Variants in ITGAV observed in about 807,000 individuals in gnomAD.
The protein encoded by ITGAV is integrin subunit alpha V.
A neutral mutation model predicts 143.8 loss-of-function variants in ITGAV; 76 were observed. The observed-to-expected ratio is 0.53, with a 90% CI of 0.44 to 0.64. The LOEUF (loss-of-function observed/expected upper bound fraction) is 0.64, where lower values mean the gene tolerates loss of function less well. Ranked by LOEUF, ITGAV falls within the 30% of genes least tolerant of loss-of-function variation. The pLI is 0.00. For synonymous variants in ITGAV, 453 were observed against 446.7 expected, an observed-to-expected ratio of 1.01 and a Z score of -0.18; for missense variants, 1,193 against 1,274.7, an observed-to-expected ratio of 0.94 and a Z score of 0.98.
chr2:186,664,472 G>A (rs780682458), intron 19 of ITGAV, 22 bp from the exon 20 acceptor site: 46 of 1,609,220 alleles, frequency 2.9e-5, no homozygotes, highest in African/African-American at 5.4e-5. Flanking sequence ...TCTCAGTCTG[G>A]ATTTGTATTG....
chr2:186,675,470 G>T, intron 26 of ITGAV, 134 bp from the exon 27 acceptor site: 2 of 648,314 alleles, frequency 3.1e-6, no homozygotes, highest in Middle Eastern at 2.6e-4. Flanking sequence ...CTATTAGCCT[G>T]TTTATTTTCA....
At position 186,627,859 on chromosome 2, in the gene ITGAV, A is replaced by T. The variant is rs184805921; in HGVS notation, c.523+2272A>T. On this transcript the variant is annotated intron_variant, in intron 4 of 29. Coordinates refer to ENST00000261023, the MANE Select transcript of ITGAV (RefSeq NM_002210.5). ...TAAAGAACAGTCTCAAAAAACAGAA[A>T]AGCAAAGTGCATGCCTTTGTTTCTA... Among the ~76,000 whole-genome samples, 3 of 152,258 alleles carry T rather than the reference A, an allele frequency of 2.0e-5. No individual in the cohort carries two copies. The East Asian group carries it at 5.8e-4, about 29-fold the overall frequency.
Position 186,678,721 on chromosome 2 carries a change from T to C in ITGAV, c.*1429T>C, listed in dbSNP as rs1348687809. 4.4e-6 allele frequency: 2 copies of C among 455,764 alleles called. No individual in the cohort carries two copies. Among genetic ancestry groups the C allele is most frequent in the African/African-American group, 4.0e-5 (2 of 50,054 alleles). 28.2% of individuals were successfully genotyped at this position (455,764 alleles called of 1,614,324 possible). On this transcript the variant is annotated 3_prime_UTR_variant, in exon 30 of 30. Transcript: ENST00000261023. ...CTCAAGGCCTGGGGATGATGATCAG[T>C]TATACCTATTTTTGTGCAATTACAT... is the stretch of plus-strand genomic sequence containing the variant.
In ITGAV at chr2:186,676,891, G is replaced by A; in HGVS notation, c.3007G>A (p.Ala1003Thr). The change falls in exon 29 of 30, where the codon GCA becomes ACA. Residue 1003 changes from alanine to threonine, a missense_variant. Transcript: ENST00000261023. Reference protein sequence around the residue: ...PVWVIILAVLAGLLLLAVLVF... With the variant: ...PVWVIILAVLTGLLLLAVLVF... Reference sequence around the variant, plus strand: ...GTGGGTGATCATTTTAGCAGTTCTAGCAGGATTGTTGCTACTGGCTGTTTT... The same window carrying A: ...GTGGGTGATCATTTTAGCAGTTCTAACAGGATTGTTGCTACTGGCTGTTTT... 1 of 1,614,050 alleles carries A rather than the reference G, an allele frequency of 6.2e-7. No homozygotes were observed. The highest frequency in any genetic ancestry group is 8.5e-7 in the Non-Finnish European group (1 of 1,179,976).
intron 22 of ITGAV, 66 bp from the exon 23 acceptor site, chr2:186,667,084 T>C (rs1688919008): frequency 8.3e-7 from 1 of 1,211,852 alleles, no homozygotes; most frequent in Non-Finnish European, 1.2e-6. Flanking sequence ...TTTCACTGGG[T>C]TTGCCTCTGT....
At chr2:186,616,273 A>ATTTTT (rs35938539) in intron 2 of ITGAV, among the ~76,000 whole-genome samples, 10 of 79,666 alleles carry the variant, frequency 1.3e-4, no homozygotes, top group Admixed American at 7.2e-4. Context: ...GATATACCTT[A>ATTTTT]TTTTTTTTTT....
At chr2:186,655,873 T>C (rs566709374) in intron 16 of ITGAV, among the ~76,000 whole-genome samples, 3 of 152,252 alleles carry the variant, frequency 2.0e-5, no homozygotes, top group South Asian at 2.1e-4. Flanking sequence ...TTAATCAAAA[T>C]CAGCAAGACT....
chr2:186,675,159 A>G (rs1454777552), intron 26 of ITGAV, among the ~76,000 whole-genome samples: 1 of 152,206 alleles, frequency 6.6e-6, no homozygotes, highest in African/African-American at 2.4e-5. Context: ...GGCCATCAGC[A>G]TGCGATTTGA....
intron 3 of ITGAV, 93 bp from the exon 4 acceptor site, chr2:186,625,380 G>C (rs937503052): frequency 1.4e-6 from 1 of 735,372 alleles, no homozygotes; most frequent in African/African-American, 1.8e-5. Flanking sequence ...TCAAAAAAGA[G>C]AAAGTGGTAT....
Position 186,654,681 on chromosome 2 carries a change from G to A in ITGAV, c.1537G>A (p.Gly513Ser), listed in dbSNP as rs202013444. The change falls in exon 16 of 30, where the codon GGC (glycine) becomes AGC (serine). Residue 513 changes from glycine (G) to serine (S), a missense_variant. Coordinates refer to ENST00000261023, the MANE Select transcript of ITGAV (RefSeq NM_002210.5). ...TGTTAGGTTCTGCTTAAAGGCAGAT[G>A]GCAAAGGAGTACTTCCCAGGAAACT... Reference protein sequence around the residue: ...FNVRFCLKADGKGVLPRKLNF... With the variant: ...FNVRFCLKADSKGVLPRKLNF... 1.4e-5 allele frequency: 22 copies of A among 1,558,664 alleles called. No individual in the cohort carries two copies. In the East Asian group the frequency reaches 2.0e-4, roughly 14 times the overall value.
intron 1 of ITGAV, among the ~76,000 whole-genome samples, chr2:186,598,028 A>G (rs1302765678): frequency 1.3e-5 from 2 of 152,066 alleles, no homozygotes; most frequent in Admixed American, 6.6e-5. Flanking sequence ...CTGATGTAGA[A>G]CCTGGTATGA....
intron 17 of ITGAV, 116 bp from the exon 18 acceptor site, chr2:186,658,922 T>C (rs1485979877): frequency 1.4e-5 from 8 of 588,628 alleles, no homozygotes; most frequent in Non-Finnish European, 2.3e-5. Flanking sequence ...CCAGAGAATG[T>C]TGTTAGAATT....
chr2:186,669,819 G>A lies in ITGAV; in HGVS notation c.2706+5G>A. The A allele has an allele frequency of 6.3e-7, 1 of 1,583,880 alleles. No individual in the cohort carries two copies. The highest frequency in any genetic ancestry group is 8.7e-7 in the Non-Finnish European group (1 of 1,152,806). On this transcript the variant is annotated splice_donor_5th_base_variant and intron_variant, in intron 26 of 29. Coordinates refer to ENST00000261023, the MANE Select transcript of ITGAV (RefSeq NM_002210.5). Reference sequence around the variant, plus strand: ...GAAGGAGATATTCACACTTTGGTAAGTGCCATTTCAAATATGTGCACCATA... The same window carrying A: ...GAAGGAGATATTCACACTTTGGTAAATGCCATTTCAAATATGTGCACCATA...
chr2:186,650,522 A>AATT (rs1481719755), intron 14 of ITGAV, among the ~76,000 whole-genome samples: 5 of 151,674 alleles, frequency 3.3e-5, no homozygotes, highest in African/African-American at 4.8e-5. Flanking sequence ...ATGTACAATA[A>AATT]ATTATTATTA....
intron 2 of ITGAV, among the ~76,000 whole-genome samples, chr2:186,621,022 T>C (rs1196588109): frequency 6.6e-6 from 1 of 152,206 alleles, no homozygotes; most frequent in Non-Finnish European, 1.5e-5. Flanking sequence ...AGGTCATTTC[T>C]TTATGGTGGG....
intron 2 of ITGAV, among the ~76,000 whole-genome samples, chr2:186,614,954 C>G (rs1687312386): frequency 6.6e-6 from 1 of 152,012 alleles, no homozygotes; most frequent in Non-Finnish European, 1.5e-5. Flanking sequence ...TTACTACAGT[C>G]TAATTCCAGA....
intron 14 of ITGAV, 85 bp downstream of exon 14, chr2:186,649,970 G>T: frequency 2.3e-6 from 2 of 887,284 alleles, no homozygotes; most frequent in Non-Finnish European, 3.4e-6. Context: ...TTGAATTTTA[G>T]TTTAATTTTC....
chr2:186,628,632 C>A (rs560045549), intron 4 of ITGAV, among the ~76,000 whole-genome samples: 4 of 152,222 alleles, frequency 2.6e-5, no homozygotes, highest in African/African-American at 7.2e-5. Context: ...TGCACTATGT[C>A]AAATCAACAA....
At chr2:186,600,239 C>T (rs1431031475) in intron 1 of ITGAV, 1 of 1,123,428 alleles carries the variant, frequency 8.9e-7, no homozygotes, top group African/African-American at 1.6e-5. Flanking sequence ...TCTTTCTTGC[C>T]AGGGTCTTTC....
Sources: gnomAD v4.1 joint callset for allele counts (sites outside exome capture counted in the v4.1 genomes callset) on GRCh38, gnomAD v4.1.1 for gene constraint, MANE v1.5 for transcripts, NCBI Gene and HGNC (gene_info 2026-07-23, HGNC 2026-07-21) for gene names.